CDC14B: variants seen among roughly 807,000 people sequenced by gnomAD.
The protein encoded by CDC14B is cell division cycle 14B.
A neutral mutation model predicts 64.2 loss-of-function variants in CDC14B; 22 were observed. That is an observed-to-expected ratio of 0.34 (90% CI 0.24 to 0.49). The LOEUF (loss-of-function observed/expected upper bound fraction) is 0.49, where lower values mean the gene tolerates loss of function less well. Among genes scored for constraint, CDC14B ranks in the 20% least tolerant of loss-of-function variants. The pLI is 0.99. For missense variants in CDC14B, 498 were observed against 629.9 expected, an observed-to-expected ratio of 0.79 and a Z score of 2.24; for synonymous variants, 191 against 215.8, an observed-to-expected ratio of 0.89 and a Z score of 1.01.
At chr9:96,565,553 T>TA (rs1170943543) in intron 1 of CDC14B, 70 bp from the exon 2 acceptor site, 1 of 971,322 alleles carries the variant, frequency 1.0e-6, no homozygotes. Flanking sequence ...ATGACACAAC[T>TA]CTTTTCAGAT....
rs57056796 is a variant in CDC14B at position 96,574,697 on chromosome 9, C to CAAAAAAAAA, written c.161-9223_161-9215dup. Among the ~76,000 whole-genome samples the CAAAAAAAAA allele has an allele frequency of 3.1e-3, 157 of 49,946 alleles. 25 individuals carry two copies. The highest frequency in any genetic ancestry group is 0.012 in the African/African-American group (145 of 11,914). 32.8% of individuals were successfully genotyped at this position (49,946 alleles called of 152,430 possible). ...GCAACAAGAGCGAAACTCGGTCTCACAAAAAAAAAAAAAAAAAAAAAAGAT... is the reference window on the plus strand; with the variant it reads ...GCAACAAGAGCGAAACTCGGTCTCACAAAAAAAAAAAAAAAAAAAAAAAAAAAAAAAGAT... On this transcript the variant is annotated intron_variant, in intron 1 of 13. Transcript: ENST00000375241.
At position 96,511,525 on chromosome 9, in the gene CDC14B, C is replaced by G. The variant is rs539629789; in HGVS notation, c.1344-1736G>C. Among the ~76,000 whole-genome samples the G allele has an allele frequency of 8.5e-5, 13 of 152,168 alleles. No individual in the cohort carries two copies. In the South Asian group the frequency reaches 2.7e-3, roughly 31 times the overall value. On this transcript the variant is annotated intron_variant, in intron 12 of 13. Coordinates refer to ENST00000375241, the MANE Select transcript of CDC14B (RefSeq NM_033331.4). Reference sequence around the variant, plus strand: ...AGCAGAGGTTGTAGTGAGCCGAGATCGTGCCACTGCACTCCAGCCTGGGCC... The same window carrying G: ...AGCAGAGGTTGTAGTGAGCCGAGATGGTGCCACTGCACTCCAGCCTGGGCC...
At chr9:96,589,300 T>C (rs146016780) in intron 1 of CDC14B, among the ~76,000 whole-genome samples, 72 of 151,248 alleles carry the variant, frequency 4.8e-4, no homozygotes, top group Non-Finnish European at 9.6e-4. Context: ...GATTGCGCCA[T>C]TGCACTCCAG....
chr9:96,583,404 T>TTAC (rs1377873733), intron 1 of CDC14B, among the ~76,000 whole-genome samples: 2 of 146,238 alleles, frequency 1.4e-5, no homozygotes, highest in Non-Finnish European at 3.0e-5. Context: ...ATTATTATTA[T>TTAC]TATTATTATT....
intron 9 of CDC14B, among the ~76,000 whole-genome samples, chr9:96,531,124 C>A (rs964110077): frequency 1.3e-5 from 2 of 152,190 alleles, no homozygotes; most frequent in African/African-American, 2.4e-5. Flanking sequence ...CTTATAGTGT[C>A]TTTTTGTTTT....
At chr9:96,618,877 A>G in intron 1 of CDC14B, 1 of 328,678 alleles carries the variant, frequency 3.0e-6, no homozygotes, top group Non-Finnish European at 5.7e-6. Context: ...CGGAATCCAC[A>G]GGAACTCAGA....
chr9:96,608,085 T>C (rs1342037114), intron 1 of CDC14B, among the ~76,000 whole-genome samples: 1 of 152,226 alleles, frequency 6.6e-6, no homozygotes, highest in Non-Finnish European at 1.5e-5. Flanking sequence ...GGCACCAGGT[T>C]GTACCTTGCC....
chr9:96,596,206 A>G (rs565035531), intron 1 of CDC14B, among the ~76,000 whole-genome samples: 6 of 152,012 alleles, frequency 3.9e-5, no homozygotes, highest in Non-Finnish European at 8.8e-5. Context: ...TACTAAAAAT[A>G]TAAAAATTAG....
At chr9:96,590,078 A>G (rs1327079265) in intron 1 of CDC14B, among the ~76,000 whole-genome samples, 11 of 152,202 alleles carry the variant, frequency 7.2e-5, no homozygotes, top group Non-Finnish European at 5.9e-5. Context: ...CTGCTGCGCA[A>G]TACATCTCAA....
chr9:96,601,524 G>A (rs1341758970), intron 1 of CDC14B, among the ~76,000 whole-genome samples: 1 of 149,290 alleles, frequency 6.7e-6, no homozygotes, highest in Non-Finnish European at 1.5e-5. Flanking sequence ...AGGGCCGGGC[G>A]TGGCACACCT....
downstream of CDC14B, chr9:96,496,362 G>A (rs1278853071): frequency 3.9e-6 from 2 of 511,708 alleles, no homozygotes; most frequent in Non-Finnish European, 7.8e-6. Context: ...AACCATCGCT[G>A]GAAAAGGGAG....
chr9:96,568,580 G>T (rs1329990929), intron 1 of CDC14B, among the ~76,000 whole-genome samples: 1 of 152,156 alleles, frequency 6.6e-6, no homozygotes, highest in African/African-American at 2.4e-5. Flanking sequence ...CACCTCCATG[G>T]AGCCAACAAA....
At chr9:96,612,678 G>T (rs1469010776) in intron 1 of CDC14B, among the ~76,000 whole-genome samples, 1 of 152,130 alleles carries the variant, frequency 6.6e-6, no homozygotes, top group Non-Finnish European at 1.5e-5. Flanking sequence ...ATGCGATATG[G>T]TTACTCTATA....
intron 1 of CDC14B, chr9:96,618,390 C>T (rs1847770220): frequency 2.1e-6 from 1 of 470,160 alleles, no homozygotes; most frequent in Admixed American, 2.2e-5. Flanking sequence ...ACACGCGTCA[C>T]TGTCAATCCC....
chr9:96,542,876 G>T (rs1011387507), intron 5 of CDC14B, among the ~76,000 whole-genome samples: 1 of 151,996 alleles, frequency 6.6e-6, no homozygotes, highest in Non-Finnish European at 1.5e-5. Context: ...AGGCACGGTG[G>T]TGGGCGCCTG....
rs776137471 is a variant in CDC14B at position 96,619,403 on chromosome 9, G to A, written c.-25C>T. On this transcript the variant is annotated 5_prime_UTR_variant, in exon 1 of 14. Coordinates refer to ENST00000375241, the MANE Select transcript of CDC14B (RefSeq NM_033331.4). ...TGGAGGCGGCCGCGGCCCGTCAGGG[G>A]GCCACGACCATGGCCCCGCGCGCCC... 8.6e-7 allele frequency: 1 copy of A among 1,167,362 alleles called. No individual in the cohort carries two copies. The highest frequency in any genetic ancestry group is 1.1e-6 in the Non-Finnish European group (1 of 947,338). The allele number at this position is 1,167,362 out of a possible 1,614,324, so 72.3% of individuals were successfully genotyped here.
At chr9:96,602,009 G>T (rs1252298028) in intron 1 of CDC14B, among the ~76,000 whole-genome samples, 17 of 141,780 alleles carry the variant, frequency 1.2e-4, no homozygotes, top group Non-Finnish European at 2.5e-4. Context: ...CAGTGAGCCA[G>T]GATCGCGCCA....
chr9:96,584,773 C>A (rs1194339315), intron 1 of CDC14B, among the ~76,000 whole-genome samples: 1 of 152,176 alleles, frequency 6.6e-6, no homozygotes, highest in African/African-American at 2.4e-5. Context: ...CCTGCCTCAG[C>A]CTCCCAAGTA....
intron 1 of CDC14B, among the ~76,000 whole-genome samples, chr9:96,600,607 A>T (rs1846370925): frequency 6.6e-6 from 1 of 151,864 alleles, no homozygotes; most frequent in South Asian, 2.1e-4. Context: ...AGTTCGAGCG[A>T]TTCTCCGGCC....
Sources: allele counts gnomAD v4.1 joint callset (sites outside exome capture counted in the v4.1 genomes callset), GRCh38; gene constraint gnomAD v4.1.1; transcripts MANE v1.5; gene names NCBI Gene and HGNC (gene_info 2026-07-23, HGNC 2026-07-21).